The following DMD variants were observed in gnomAD, a reference collection of about 807,000 sequenced individuals.
DMD encodes the protein dystrophin, also known as mutant dystrophin.
A neutral mutation model predicts 330.1 loss-of-function variants in DMD; 63 were observed. The observed-to-expected ratio is 0.19, with a 90% CI of 0.16 to 0.24. The LOEUF (loss-of-function observed/expected upper bound fraction) is 0.24, where lower values mean the gene tolerates loss of function less well. DMD is among the 10% of genes least tolerant of loss of function. The pLI, the probability that DMD is intolerant of heterozygous loss-of-function variation, is 1.00. For missense variants in DMD, 3,344 were observed against 2,684.1 expected (o/e 1.25, Z -5.43); for synonymous variants, 1,223 against 959.8 (o/e 1.27, Z -5.07).
At chrX:33,318,895 T>C (rs1450272427) in intron 1 of DMD, among the ~76,000 whole-genome samples, 1 of 111,528 alleles carries the variant, frequency 9.0e-6, no homozygotes, top group East Asian at 2.8e-4. Context: ...GCTTGCAATG[T>C]TGCTATAGTA....
At chrX:31,398,927 C>T (rs958457200) in intron 60 of DMD, among the ~76,000 whole-genome samples, 6 of 111,982 alleles carry the variant, frequency 5.4e-5, no homozygotes, top group Non-Finnish European at 9.4e-5. Context: ...CACAGGTGAG[C>T]AGGTGCAGCA....
At chrX:32,362,691 C>T (rs2097841303) in intron 37 of DMD, 97 bp downstream of exon 37, 1 of 986,845 alleles carries the variant, frequency 1.0e-6, no homozygotes, top group African/African-American at 1.9e-5. Flanking sequence ...CTTTTGAAAA[C>T]CTTGCTGTGG....
At chrX:32,080,787 A>G in intron 44 of DMD, among the ~76,000 whole-genome samples, 1 of 111,570 alleles carries the variant, frequency 9.0e-6, no homozygotes, top group Non-Finnish European at 1.9e-5. Context: ...CCCCTTGCAC[A>G]AGGTCATGAC....
intron 2 of DMD, among the ~76,000 whole-genome samples, chrX:32,869,612 C>A (rs2082790678): frequency 9.2e-6 from 1 of 108,661 alleles, no homozygotes; most frequent in Admixed American, 1.0e-4. Context: ...CCGCAAGTAT[C>A]AATAACCAAA....
chrX:32,633,626 A>G (rs773564405), intron 11 of DMD, among the ~76,000 whole-genome samples: 1 of 112,231 alleles, frequency 8.9e-6, no homozygotes, highest in South Asian at 3.7e-4. Flanking sequence ...ATTGCTATCA[A>G]GAAATACCTG....
At chrX:31,764,554 T>C (rs2089864161) in intron 51 of DMD, among the ~76,000 whole-genome samples, 1 of 112,140 alleles carries the variant, frequency 8.9e-6, no homozygotes, top group African/African-American at 3.2e-5. Flanking sequence ...TCCAAATTAC[T>C]CTCTCCTCTC....
intron 1 of DMD, among the ~76,000 whole-genome samples, chrX:33,294,013 C>T (rs964097891): frequency 9.0e-6 from 1 of 111,373 alleles, no homozygotes; most frequent in African/African-American, 3.3e-5. Flanking sequence ...TAAGCCACAG[C>T]AGCTTCTGCT....
At position 33,294,328 on chromosome X, in the gene DMD, C is replaced by T. The variant is rs150943618; in HGVS notation, c.7+44931G>A. Among the ~76,000 whole-genome samples the T allele has an allele frequency of 8.1e-3, 896 of 111,290 alleles. 5 individuals are homozygous for T. Among genetic ancestry groups the T allele is most frequent in the African/African-American group, 0.028 (853 of 30,732 alleles). ...GGGACAGCATCCATGGAGCCCCTGA[C>T]ACTACACACTACCATTTCAGAAGTG... On this transcript the variant is annotated intron_variant, in intron 1 of 17. Transcript: ENST00000288447.
chrX:31,779,028 A>T (rs2090858464), intron 50 of DMD, among the ~76,000 whole-genome samples: 1 of 111,271 alleles, frequency 9.0e-6, no homozygotes, highest in Non-Finnish European at 1.9e-5. Flanking sequence ...GGCTGGTCAG[A>T]TTTGTTAGTG....
intron 12 of DMD, among the ~76,000 whole-genome samples, chrX:32,597,023 G>T (rs1190124392): frequency 9.0e-6 from 1 of 111,556 alleles, no homozygotes. Context: ...CAGTCTAATT[G>T]TATACCATTC....
intron 9 of DMD, among the ~76,000 whole-genome samples, chrX:32,682,027 G>A (rs749755174): frequency 1.8e-5 from 2 of 111,682 alleles, no homozygotes; most frequent in Non-Finnish European, 3.8e-5. Context: ...ATCTGGAGCT[G>A]AGAAATGGGG....
At chrX:32,330,634 T>A (rs773779909) in intron 41 of DMD, among the ~76,000 whole-genome samples, 1 of 111,782 alleles carries the variant, frequency 8.9e-6, no homozygotes, top group Non-Finnish European at 1.9e-5. Context: ...GTGTATAAAT[T>A]CTTGTTCTTT....
chrX:31,281,311 A>G (rs758203860), intron 62 of DMD, among the ~76,000 whole-genome samples: 2 of 111,740 alleles, frequency 1.8e-5, no homozygotes, highest in African/African-American at 6.5e-5. Context: ...AGAACTTGAA[A>G]AATGTGGTGT....
intron 1 of DMD, among the ~76,000 whole-genome samples, chrX:33,295,093 G>C (rs1473713152): frequency 2.7e-5 from 3 of 110,885 alleles, no homozygotes; most frequent in Non-Finnish European, 5.7e-5. Context: ...GGAATTTTGA[G>C]GGCATACTAT....
intron 44 of DMD, among the ~76,000 whole-genome samples, chrX:32,107,172 C>T (rs763157374): frequency 4.0e-4 from 44 of 110,481 alleles, no homozygotes; most frequent in Admixed American, 1.7e-3. Context: ...AGCTAAATGG[C>T]TATGAGTTGA....
intron 49 of DMD, among the ~76,000 whole-genome samples, chrX:31,830,711 C>G (rs182202146): frequency 8.9e-6 from 1 of 111,849 alleles, no homozygotes; most frequent in Non-Finnish European, 1.9e-5. Context: ...GCATTGAGAA[C>G]GTGAAAAATA....
chrX:31,513,983 G>A (rs986256790), intron 55 of DMD, among the ~76,000 whole-genome samples: 1 of 112,076 alleles, frequency 8.9e-6, no homozygotes, highest in South Asian at 3.7e-4. Context: ...TTAGCCACTA[G>A]GCTATATTAC....
chrX:33,055,287 A>G (rs891843060), intron 1 of DMD, among the ~76,000 whole-genome samples: 1 of 111,683 alleles, frequency 9.0e-6, no homozygotes, highest in African/African-American at 3.3e-5. Context: ...GGCCGTGACA[A>G]AATCAATTTC....
rs976381350 is a variant in DMD, at chrX:33,052,366, G to T, written c.32-32166C>A. Among the ~76,000 whole-genome samples the T allele has an allele frequency of 6.7e-4, 75 of 111,937 alleles. 2 individuals are homozygous for T. Among genetic ancestry groups the T allele is most frequent in the Admixed American group, 2.8e-4 (3 of 10,528 alleles). ...TGTTTTTCCAAATATATACGAGAATGACTTTTTTTCTCCCCTAGAATTAGC... is the reference window on the plus strand; with the variant it reads ...TGTTTTTCCAAATATATACGAGAATTACTTTTTTTCTCCCCTAGAATTAGC... On this transcript the variant is annotated intron_variant, in intron 1 of 78. Coordinates refer to ENST00000357033, the MANE Select transcript of DMD (RefSeq NM_004006.3).
Sources: allele counts gnomAD v4.1 joint callset (sites outside exome capture counted in the v4.1 genomes callset), GRCh38; gene constraint gnomAD v4.1.1; transcripts MANE v1.5; gene names NCBI Gene and HGNC (gene_info 2026-07-23, HGNC 2026-07-21).